Variants in PLA2G4C observed in about 807,000 individuals in gnomAD.
PLA2G4C encodes the protein phospholipase A2 group IVC, also known as cytosolic phospholipase A2 gamma.
A neutral mutation model predicts 73.8 loss-of-function variants in PLA2G4C; 64 were observed. The observed-to-expected ratio is 0.87, with a 90% CI of 0.71 to 1.07. PLA2G4C has a LOEUF of 1.07. Ranked by LOEUF, PLA2G4C falls within the 50% of genes least tolerant of loss-of-function variation. The pLI, the probability that PLA2G4C is intolerant of heterozygous loss-of-function variation, is 0.00. For synonymous variants in PLA2G4C, 254 were observed against 252.1 expected, an observed-to-expected ratio of 1.01 and a Z score of -0.07; for missense variants, 622 against 665.4, an observed-to-expected ratio of 0.93 and a Z score of 0.72.
At chr19:48,103,192 C>T (rs774063638) in intron 4 of PLA2G4C, among the ~76,000 whole-genome samples, 4 of 152,124 alleles carry the variant, frequency 2.6e-5, no homozygotes, top group Non-Finnish European at 5.9e-5. Flanking sequence ...TTTTTAACCA[C>T]AGCAGTCTCG....
At chr19:48,064,600 C>T (rs895113779) in intron 13 of PLA2G4C, 5 of 152,196 alleles carry the variant, frequency 3.3e-5, no homozygotes, top group African/African-American at 1.2e-4. Flanking sequence ...TTAACCATAA[C>T]CATCTAGAGG....
intron 1 of PLA2G4C, among the ~76,000 whole-genome samples, chr19:48,106,930 C>A (rs1266001271): frequency 6.6e-6 from 1 of 152,046 alleles, no homozygotes; most frequent in Non-Finnish European, 1.5e-5. Context: ...CTGCATCCTC[C>A]GCCTCCCGGG....
At chr19:48,064,890 T>C (rs1024849368) in intron 13 of PLA2G4C, 2 of 152,250 alleles carry the variant, frequency 1.3e-5, no homozygotes, top group African/African-American at 4.8e-5. Flanking sequence ...GACAACTTGA[T>C]TTTGGACTTC....
chr19:48,053,345 C>T (rs1474568367), intron 15 of PLA2G4C, among the ~76,000 whole-genome samples, 198 bp from the exon 16 acceptor site: 1 of 151,096 alleles, frequency 6.6e-6, no homozygotes, highest in Admixed American at 6.6e-5. Flanking sequence ...ATGATCCATG[C>T]CCCTTCCGGT....
chr19:48,068,100 G>A (rs568933265), intron 12 of PLA2G4C, among the ~76,000 whole-genome samples: 4 of 152,184 alleles, frequency 2.6e-5, no homozygotes, highest in South Asian at 2.1e-4. Context: ...TCAAGAGATC[G>A]AGACCATCCT....
chr19:48,099,155 C>T (rs1209541607), intron 5 of PLA2G4C, among the ~76,000 whole-genome samples: 1 of 148,628 alleles, frequency 6.7e-6, no homozygotes, highest in East Asian at 2.1e-4. Flanking sequence ...GTTGCCCCAG[C>T]TTACTCAAAA....
intron 7 of PLA2G4C, among the ~76,000 whole-genome samples, chr19:48,091,184 T>C (rs2031275368): frequency 6.6e-6 from 1 of 151,496 alleles, no homozygotes; most frequent in Non-Finnish European, 1.5e-5. Context: ...CCACCTAACT[T>C]TGTATTATTT....
rs575634881 is a variant in PLA2G4C, at chr19:48,064,155, A to G, written c.1103-2003T>C. 1.6e-4 allele frequency among the ~76,000 whole-genome samples: 24 copies of G among 152,292 alleles called. No individual in the cohort carries two copies. The South Asian group carries it at 4.6e-3, about 29-fold the overall frequency. On this transcript the variant is annotated intron_variant, in intron 13 of 16. Transcript: ENST00000599921. The stretch of plus-strand genomic sequence containing the variant: ...CATAATTACTCTATTTTGGCCGGGC[A>G]CGGTGGCTCACGCCTGTAATCCCAG...
intron 7 of PLA2G4C, among the ~76,000 whole-genome samples, chr19:48,094,936 G>A (rs1387929924): frequency 6.6e-6 from 1 of 152,088 alleles, no homozygotes; most frequent in African/African-American, 2.4e-5. Context: ...CCAGGCTGGA[G>A]TGCAGTGGGG....
intron 10 of PLA2G4C, among the ~76,000 whole-genome samples, chr19:48,083,733 C>A (rs1335343223): frequency 6.6e-6 from 1 of 152,010 alleles, no homozygotes; most frequent in Non-Finnish European, 1.5e-5. Context: ...AGGTGTGAGC[C>A]ACTGCGCCCG....
intron 7 of PLA2G4C, 191 bp from the exon 8 acceptor site, chr19:48,090,608 G>C: frequency 1.7e-6 from 1 of 602,264 alleles, no homozygotes; most frequent in South Asian, 1.9e-5. Context: ...TGTTGGAATA[G>C]AGCAGTAAAC....
chr19:48,071,242 T>G (rs971126194), intron 12 of PLA2G4C, among the ~76,000 whole-genome samples: 5 of 152,220 alleles, frequency 3.3e-5, no homozygotes, highest in Admixed American at 6.5e-5. Context: ...TGATAGCCCT[T>G]TAATATTTAA....
chr19:48,061,376 A>C (rs1483620428), intron 14 of PLA2G4C: 1 of 153,382 alleles, frequency 6.5e-6, no homozygotes, highest in Non-Finnish European at 1.5e-5. Flanking sequence ...TATTAATTTA[A>C]TCCACAGAAC....
chr19:48,067,193 G>T (rs1419505950), intron 13 of PLA2G4C, among the ~76,000 whole-genome samples: 2 of 150,554 alleles, frequency 1.3e-5, no homozygotes, highest in African/African-American at 4.9e-5. Flanking sequence ...TTTTTAGATG[G>T]TGTCTCGCTC....
In PLA2G4C at chr19:48,104,541, T is replaced by C. The variant is rs191915886; in HGVS notation, c.257+47A>G. ...TTTGGTGTCAGGAGGAAAAAAATAATCCCATTTATGTGTCAGAAAGCAATC... is the reference window on the plus strand; with the variant it reads ...TTTGGTGTCAGGAGGAAAAAAATAACCCCATTTATGTGTCAGAAAGCAATC... On this transcript the variant is annotated intron_variant, in intron 4 of 16. Coordinates refer to ENST00000599921, the MANE Select transcript of PLA2G4C (RefSeq NM_003706.3). 122 of 1,589,792 alleles carry C rather than the reference T, an allele frequency of 7.7e-5. No homozygotes were observed. In the African/African-American group the frequency reaches 1.5e-3, roughly 20 times the overall value.
At chr19:48,107,540 G>A (rs1412846845) in intron 1 of PLA2G4C, among the ~76,000 whole-genome samples, 1 of 152,260 alleles carries the variant, frequency 6.6e-6, no homozygotes, top group African/African-American at 2.4e-5. Flanking sequence ...CCAGCGTCTG[G>A]GAAGATGCCC....
At chr19:48,073,993 T>C (rs564052588) in intron 12 of PLA2G4C, among the ~76,000 whole-genome samples, 5 of 149,918 alleles carry the variant, frequency 3.3e-5, no homozygotes, top group Admixed American at 1.3e-4. Flanking sequence ...AATTTAATTT[T>C]AAGTTCCGGG....
At position 48,098,713 on chromosome 19, in the gene PLA2G4C, T is replaced by TAAAAAAAAAAAAAAA. The variant is rs548688675; in HGVS notation, c.448-469_448-455dup. On this transcript the variant is annotated intron_variant, in intron 5 of 16. Coordinates refer to ENST00000599921, the MANE Select transcript of PLA2G4C (RefSeq NM_003706.3). ...GAGCAAAAAAGCGAAACCCTATCTC[T>TAAAAAAAAAAAAAAA]AAAAAAAAAAAAAAAAAAAAAAAAA... is the stretch of plus-strand genomic sequence containing the variant. Among the ~76,000 whole-genome samples, 17 of 30,906 alleles carry TAAAAAAAAAAAAAAA rather than the reference T, an allele frequency of 5.5e-4. 3 individuals are homozygous for TAAAAAAAAAAAAAAA. The highest frequency in any genetic ancestry group is 7.7e-4 in the Non-Finnish European group (13 of 16,872). 20.3% of individuals were successfully genotyped at this position (30,906 alleles called of 152,430 possible).
In PLA2G4C at chr19:48,110,573, G is replaced by C; in HGVS notation, c.-119C>G. On this transcript the variant is annotated 5_prime_UTR_variant, in exon 1 of 17. Transcript: ENST00000599921. ...CGGAGGCTTGGGCTCCCTGCGCTTA[G>C]CGGTGTAGTCGCTGGACAGCTCCTT... 2.8e-6 allele frequency: 1 copy of C among 352,472 alleles called. No homozygotes were observed. Among genetic ancestry groups the C allele is most frequent in the Non-Finnish European group, 3.6e-6 (1 of 275,430 alleles). The allele number at this position is 352,472 out of a possible 1,614,324, so 21.8% of individuals were successfully genotyped here.
Sources: gnomAD v4.1 joint callset for allele counts (sites outside exome capture counted in the v4.1 genomes callset) on GRCh38, gnomAD v4.1.1 for gene constraint, MANE v1.5 for transcripts, NCBI Gene and HGNC (gene_info 2026-07-23, HGNC 2026-07-21) for gene names.